Variants in STIL observed in about 807,000 individuals in gnomAD.
The protein encoded by STIL is STIL centriolar assembly protein.
STIL carries 55 observed loss-of-function variants against 110.1 expected under a neutral mutation model. The observed-to-expected ratio is 0.50, with a 90% confidence interval of 0.40 to 0.63. STIL has a LOEUF of 0.63. STIL is among the 20% of genes least tolerant of loss of function. STIL has a pLI of 0.00. For missense variants in STIL, 1,358 were observed against 1,530.0 expected (o/e 0.89, Z 1.87); for synonymous variants, 481 against 530.0 (o/e 0.91, Z 1.27).
rs1644164097 is a variant in STIL at position 47,250,848 on chromosome 1, T to C, written c.*288A>G. On this transcript the variant is annotated 3_prime_UTR_variant, in exon 17 of 17. Transcript: ENST00000371877. ...AAAAAAGTACAGTATAAAAGAGCAG[T>C]TGAGACTTAGAGCTGGATAGTATCT... The C allele has an allele frequency of 3.0e-6, 1 of 333,682 alleles. No individual in the cohort carries two copies. The highest frequency in any genetic ancestry group is 5.5e-6 in the Non-Finnish European group (1 of 182,648). 20.7% of individuals were successfully genotyped at this position (333,682 alleles called of 1,614,324 possible).
chr1:47,305,725 CTTTTTTTT>C (rs71572652), intron 2 of STIL, among the ~76,000 whole-genome samples: 6 of 43,418 alleles, frequency 1.4e-4, no homozygotes, highest in African/African-American at 5.1e-4. Context: ...CACGCCTGGC[CTTTTTTTT>C]TTTTTTTTTT....
intron 8 of STIL, among the ~76,000 whole-genome samples, chr1:47,290,710 A>C (rs1645460839): frequency 6.6e-6 from 1 of 152,106 alleles, no homozygotes; most frequent in Admixed American, 6.6e-5. Flanking sequence ...CTCAAAAAAA[A>C]AAAAAAAGAA....
intron 1 of STIL, chr1:47,313,111 G>A (rs1455667342): frequency 1.3e-5 from 2 of 152,178 alleles, no homozygotes; most frequent in Admixed American, 1.3e-4. Context: ...ATCACCTGAA[G>A]TCAGGATTTC....
At chr1:47,292,936 A>T (rs1350470551) in intron 8 of STIL, among the ~76,000 whole-genome samples, 1 of 152,318 alleles carries the variant, frequency 6.6e-6, no homozygotes, top group Non-Finnish European at 1.5e-5. Flanking sequence ...ACAAATACTG[A>T]CAAAGATGTC....
chr1:47,251,204 T>TCATCTG lies in STIL; in HGVS notation c.3793_3798dup (p.Gln1265_Met1266dup). The TCATCTG allele has an allele frequency of 6.2e-7, 1 of 1,612,386 alleles. No individual in the cohort carries two copies. Among genetic ancestry groups the TCATCTG allele is most frequent in the Non-Finnish European group, 8.5e-7 (1 of 1,179,586 alleles). ...AAGGTGCCTACTGAATTCATGCTATTCATCTGCTTTAGCGTTTCAGAAGGT... is the reference window on the plus strand; with the variant it reads ...AAGGTGCCTACTGAATTCATGCTATTCATCTGCATCTGCTTTAGCGTTTCAGAAGGT... On this transcript the variant is annotated inframe_insertion, in exon 17 of 17. Transcript: ENST00000371877.
At chr1:47,276,813 A>T (rs970786770) in intron 12 of STIL, among the ~76,000 whole-genome samples, 11 of 6,392 alleles carry the variant, frequency 1.7e-3, no homozygotes, top group South Asian at 0.015. Flanking sequence ...AACTCTGCCT[A>T]AAAAAAAAAA....
At chr1:47,270,249 T>TACACACACAC (rs1277764959) in intron 13 of STIL, among the ~76,000 whole-genome samples, 29 of 75,234 alleles carry the variant, frequency 3.9e-4, no homozygotes, top group African/African-American at 7.7e-4. Flanking sequence ...AAAATATATA[T>TACACACACAC]ATATATACAC....
At chr1:47,306,713 G>A (rs561762186) in intron 2 of STIL, among the ~76,000 whole-genome samples, 23 of 152,288 alleles carry the variant, frequency 1.5e-4, no homozygotes, top group African/African-American at 4.8e-4. Flanking sequence ...TTATTGAAGC[G>A]TCAAAAGGAC....
chr1:47,260,209 G>T, intron 16 of STIL, 80 bp downstream of exon 16: 1 of 1,359,544 alleles, frequency 7.4e-7, no homozygotes. Flanking sequence ...TATTCATCTA[G>T]CCAATGATGG....
rs368622549 is a variant in STIL, at chr1:47,295,735, T to C, written c.785+30A>G. 1.2e-5 allele frequency: 17 copies of C among 1,462,812 alleles called. No individual in the cohort carries two copies. In the African/African-American group the frequency reaches 2.4e-4, roughly 20 times the overall value. The allele number at this position is 1,462,812 out of a possible 1,614,324, so 90.6% of individuals were successfully genotyped here. A position where few individuals can be genotyped will look rare whatever the true frequency, so the allele number is the denominator to read the frequency against. ...CATATACATTTGAACATTTGGCTGA[T>C]AAGGTTTTCATAAATAATGTAATAC... On this transcript the variant is annotated intron_variant, in intron 7 of 16. Transcript: ENST00000371877.
intron 3 of STIL, among the ~76,000 whole-genome samples, chr1:47,302,769 T>C (rs1163327268): frequency 6.6e-6 from 1 of 152,174 alleles, no homozygotes; most frequent in East Asian, 1.9e-4. Context: ...ATCCTATATA[T>C]ACTATGTTTC....
At chr1:47,313,363 T>C (rs1387046311) in intron 1 of STIL, among the ~76,000 whole-genome samples, 2 of 152,120 alleles carry the variant, frequency 1.3e-5, no homozygotes, top group Non-Finnish European at 2.9e-5. Flanking sequence ...AAAAAGCCGA[T>C]GGCTCTTCTT....
chr1:47,260,278 T>C lies in STIL; in HGVS notation c.3080+11A>G. ...TTTATTCACTCTTTAAAACAAAATTTTAAAAGTTACCTGGCGTGATCCACG... is the reference window on the plus strand; with the variant it reads ...TTTATTCACTCTTTAAAACAAAATTCTAAAAGTTACCTGGCGTGATCCACG... On this transcript the variant is annotated intron_variant, in intron 16 of 16. Transcript: ENST00000371877. 6.2e-7 allele frequency: 1 copy of C among 1,604,500 alleles called. No homozygotes were observed. Among genetic ancestry groups the C allele is most frequent in the Non-Finnish European group, 8.5e-7 (1 of 1,176,858 alleles).
chr1:47,265,245 A>AC lies in STIL; in HGVS notation c.2616-2130_2616-2129insG, dbSNP rs1644606438. On this transcript the variant is annotated intron_variant, in intron 14 of 16. Transcript: ENST00000371877. Reference sequence around the variant, plus strand: ...AGCAACACTCCATCTCCCAAAAAAAAAAAAAAAAAAAAAAACACAAGATTG... The same window carrying AC: ...AGCAACACTCCATCTCCCAAAAAAAACAAAAAAAAAAAAAAACACAAGATTG... Among the ~76,000 whole-genome samples, 2 of 150,232 alleles carry AC rather than the reference A, an allele frequency of 1.3e-5. 1 individual carries two copies. Among genetic ancestry groups the AC allele is most frequent in the Non-Finnish European group, 3.0e-5 (2 of 67,556 alleles).
At chr1:47,291,185 C>A (rs1352425572) in intron 8 of STIL, among the ~76,000 whole-genome samples, 1 of 152,056 alleles carries the variant, frequency 6.6e-6, no homozygotes, top group Non-Finnish European at 1.5e-5. Flanking sequence ...CATGGAGAAA[C>A]CCTGTCTCTA....
rs1445882655 is a variant in STIL at position 47,295,822 on chromosome 1, T to A, written c.728A>T (p.Lys243Ile). ...ATCAGATTCCAACAAAAGTAACAATTTGCGTGTTTCATCCATGGTAAGATA... is the reference window on the plus strand; with the variant it reads ...ATCAGATTCCAACAAAAGTAACAATATGCGTGTTTCATCCATGGTAAGATA... ...YGYLTMDETR[K>I]LLLLLESDPK... Residue 243 changes from lysine to isoleucine, a missense_variant, in exon 7 of 17, where the codon AAA becomes ATA. Lys to Ile is a moderately radical substitution (Grantham distance 102, BLOSUM62 -3). Coordinates refer to ENST00000371877, the MANE Select transcript of STIL (RefSeq NM_001048166.1). The A allele has an allele frequency of 6.2e-7, 1 of 1,612,810 alleles. No individual in the cohort carries two copies. Among genetic ancestry groups the A allele is most frequent in the Non-Finnish European group, 8.5e-7 (1 of 1,179,248 alleles).
In STIL at chr1:47,258,992, C is replaced by CTTTT. The variant is rs549227243; in HGVS notation, c.3080+1293_3080+1296dup. On this transcript the variant is annotated intron_variant, in intron 16 of 16. Coordinates refer to ENST00000371877, the MANE Select transcript of STIL (RefSeq NM_001048166.1). ...GAAATGGTTAAGAGAAGTAACTTTG[C>CTTTT]TTTTTTTTTTTTTTGAGACAGTCTT... is the stretch of plus-strand genomic sequence containing the variant. Among the ~76,000 whole-genome samples, 115 of 94,426 alleles carry CTTTT rather than the reference C, an allele frequency of 1.2e-3. 12 individuals carry two copies. The highest frequency in any genetic ancestry group is 4.8e-3 in the African/African-American group (104 of 21,786). The allele number at this position is 94,426 out of a possible 152,430, so 61.9% of individuals were successfully genotyped here.
intron 2 of STIL, among the ~76,000 whole-genome samples, chr1:47,306,217 A>G (rs1645957656): frequency 6.6e-6 from 1 of 151,824 alleles, no homozygotes; most frequent in African/African-American, 2.4e-5. Flanking sequence ...ATGAGTATAA[A>G]TCATACATTT....
intron 12 of STIL, among the ~76,000 whole-genome samples, chr1:47,278,133 A>C (rs1314242859): frequency 1.3e-5 from 2 of 152,220 alleles, no homozygotes; most frequent in African/African-American, 4.8e-5. Context: ...AGGAATCTAT[A>C]GTATAGAGAT....
Sources: allele counts gnomAD v4.1 joint callset (sites outside exome capture counted in the v4.1 genomes callset), GRCh38; gene constraint gnomAD v4.1.1; transcripts MANE v1.5; gene names NCBI Gene and HGNC (gene_info 2026-07-23, HGNC 2026-07-21).